Variants in SPRED2 observed in about 807,000 individuals in gnomAD.
SPRED2 encodes sprouty related EVH1 domain containing 2, also known as sprouty-related, EVH1 domain-containing protein 2.
In SPRED2, 47 loss-of-function variants were observed where a neutral mutation model predicts 43.0. That is an observed-to-expected ratio of 1.09 (90% confidence interval 0.87 to 1.40). The LOEUF (loss-of-function observed/expected upper bound fraction) is 1.40. SPRED2 is among the 40% of genes most tolerant of loss of function. The probability of loss-of-function intolerance (pLI) is 0.00; values close to 1 mark genes in which losing one functional copy is unlikely to be tolerated. For synonymous variants in SPRED2, 225 were observed against 225.7 expected (o/e 1.00, Z 0.03); for missense variants, 561 against 586.4 (o/e 0.96, Z 0.45).
chr2:65,340,020 TTAA>T (rs1674133367), intron 2 of SPRED2, among the ~76,000 whole-genome samples: 1 of 152,236 alleles, frequency 6.6e-6, no homozygotes, highest in African/African-American at 2.4e-5. Context: ...AAGCCAGATA[TTAA>T]TGAGATCTTC....
chr2:65,431,118 G>A, intron 1 of SPRED2, among the ~76,000 whole-genome samples: 1 of 151,292 alleles, frequency 6.6e-6, no homozygotes, highest in African/African-American at 2.4e-5. Flanking sequence ...GCGCGGGGCG[G>A]CCCAGGATCC....
At chr2:65,425,006 T>C (rs888728809) in intron 1 of SPRED2, among the ~76,000 whole-genome samples, 13 of 151,802 alleles carry the variant, frequency 8.6e-5, no homozygotes, top group African/African-American at 3.2e-4. Context: ...TGGATGCAAA[T>C]ACAAAATAAA....
chr2:65,327,762 CG>C (rs1673679773), intron 4 of SPRED2, among the ~76,000 whole-genome samples: 1 of 130,908 alleles, frequency 7.6e-6, no homozygotes, highest in Non-Finnish European at 1.5e-5. Flanking sequence ...CTCGCTCTGT[CG>C]CCCAGGCTGG....
At chr2:65,317,437 C>T (rs932427712) in intron 4 of SPRED2, among the ~76,000 whole-genome samples, 3 of 151,960 alleles carry the variant, frequency 2.0e-5, no homozygotes, top group African/African-American at 7.3e-5. Context: ...TGTTTGAACC[C>T]GGGAAGCGGA....
downstream of SPRED2, chr2:65,308,307 G>A (rs1015865212): frequency 1.0e-5 from 10 of 985,324 alleles, no homozygotes; most frequent in African/African-American, 1.7e-4. Flanking sequence ...TCCCACAGAG[G>A]CCACCGACTT....
chr2:65,376,108 A>G (rs368196873), intron 1 of SPRED2, among the ~76,000 whole-genome samples: 13 of 152,310 alleles, frequency 8.5e-5, no homozygotes, highest in African/African-American at 3.1e-4. Context: ...ACCTCCTCCG[A>G]AGAAAGAAGA....
At chr2:65,327,059 C>G (rs1673644074) in intron 4 of SPRED2, among the ~76,000 whole-genome samples, 1 of 151,502 alleles carries the variant, frequency 6.6e-6, no homozygotes, top group Admixed American at 6.6e-5. Context: ...TGTATGTTGC[C>G]CAGGCTGGTC....
Position 65,311,358 on chromosome 2 carries a change from C to T in SPRED2, c.*2143G>A. On this transcript the variant is annotated 3_prime_UTR_variant, in exon 6 of 6. Coordinates refer to ENST00000356388, the MANE Select transcript of SPRED2 (RefSeq NM_181784.3). ...CGTGGAGTAAGATCTGCTAGCGTAA[C>T]TCTTAAAAGGGTGGAAAAGGACAAG... is the stretch of plus-strand genomic sequence containing the variant. 1.0e-6 allele frequency: 1 copy of T among 985,696 alleles called. No individual in the cohort carries two copies. The highest frequency in any genetic ancestry group is 1.1e-4 in the East Asian group (1 of 8,818). 61.1% of individuals were successfully genotyped at this position (985,696 alleles called of 1,614,324 possible).
intron 1 of SPRED2, among the ~76,000 whole-genome samples, chr2:65,362,621 G>A (rs1674850358): frequency 6.6e-6 from 1 of 152,098 alleles, no homozygotes. Context: ...TGGGTTGGGA[G>A]GCCAAGGTGG....
intron 1 of SPRED2, among the ~76,000 whole-genome samples, chr2:65,414,289 C>T (rs1327655384): frequency 2.0e-5 from 3 of 152,190 alleles, no homozygotes; most frequent in South Asian, 2.1e-4. Context: ...GAAGGGCTGC[C>T]TTGCTTGGTT....
chr2:65,351,851 G>A (rs59277512), intron 1 of SPRED2, among the ~76,000 whole-genome samples: 1,885 of 152,248 alleles, frequency 0.012, 40 homozygotes, highest in African/African-American at 0.043. Flanking sequence ...GTGGGTGTTC[G>A]TCTTAAGTAT....
intron 1 of SPRED2, among the ~76,000 whole-genome samples, chr2:65,368,120 C>T (rs571393454): frequency 1.3e-5 from 2 of 152,352 alleles, no homozygotes; most frequent in Non-Finnish European, 2.9e-5. Flanking sequence ...AGAGCTCCTG[C>T]ATGGCCCCCT....
chr2:65,313,956 A>G lies in SPRED2; in HGVS notation c.802T>C (p.Tyr268His), dbSNP rs1673156614. The change falls in exon 6 of 6, where the codon TAC (tyrosine) becomes CAC (histidine). Residue 268 changes from tyrosine to histidine, a missense_variant. This residue lies in a region of SPRED2 where 164 missense variants were observed against 164.1 expected (regional missense o/e 1.00). Transcript: ENST00000356388. ...AGGCCAAAGTCTGAGGAGTCCACGT[A>G]GGGGTAGTTGTAGTCATGCTTGGGG... ...EVPKHDYNYP[Y>H]VDSSDFGLGE... 1 of 1,612,244 alleles carries G rather than the reference A, an allele frequency of 6.2e-7. No homozygotes were observed. The highest frequency in any genetic ancestry group is 1.3e-5 in the African/African-American group (1 of 74,948).
chr2:65,319,469 G>C (rs988184396), intron 4 of SPRED2, among the ~76,000 whole-genome samples: 2 of 152,140 alleles, frequency 1.3e-5, no homozygotes, highest in Non-Finnish European at 2.9e-5. Context: ...TGAGCTGCTG[G>C]ATCCAGCCAA....
At chr2:65,353,843 G>A (rs1419059351) in intron 1 of SPRED2, among the ~76,000 whole-genome samples, 1 of 152,168 alleles carries the variant, frequency 6.6e-6, no homozygotes, top group East Asian at 1.9e-4. Context: ...GGTCACTAGA[G>A]CCAGAGCAGC....
At chr2:65,334,944 C>T (rs1437751681) in intron 2 of SPRED2, among the ~76,000 whole-genome samples, 171 bp from the exon 3 acceptor site, 1 of 152,206 alleles carries the variant, frequency 6.6e-6, no homozygotes, top group African/African-American at 2.4e-5. Context: ...TGCTTGGCTG[C>T]TGACCATCCG....
intron 1 of SPRED2, among the ~76,000 whole-genome samples, chr2:65,428,520 G>A (rs904936682): frequency 6.6e-5 from 10 of 152,224 alleles, no homozygotes; most frequent in African/African-American, 2.2e-4. Flanking sequence ...TGGTTTCACA[G>A]AACAGTATTT....
At chr2:65,308,414 A>C (rs1672985446), downstream of SPRED2, 1 of 985,372 alleles carries the variant, frequency 1.0e-6, no homozygotes, top group African/African-American at 1.7e-5. Flanking sequence ...AGGGGTCAGC[A>C]AGAAACTGAA....
intron 1 of SPRED2, among the ~76,000 whole-genome samples, chr2:65,353,699 C>G (rs960771560): frequency 6.6e-6 from 1 of 152,064 alleles, no homozygotes; most frequent in Admixed American, 6.5e-5. Flanking sequence ...TCTATACTTT[C>G]CTTTAAACCT....
Sources: allele counts gnomAD v4.1 joint callset (sites outside exome capture counted in the v4.1 genomes callset), GRCh38; gene constraint gnomAD v4.1.1; regional missense constraint gnomAD v4.1.1; transcripts MANE v1.5; gene names NCBI Gene and HGNC (gene_info 2026-07-23, HGNC 2026-07-21).